CPSF6: variants seen among roughly 807,000 people sequenced by gnomAD.
CPSF6 encodes cleavage and polyadenylation specificity factor subunit 6.
Under a neutral mutation model 56.7 loss-of-function variants are expected in CPSF6, and 10 were observed. The observed-to-expected ratio is 0.18, with a 90% CI of 0.11 to 0.30. The LOEUF (loss-of-function observed/expected upper bound fraction) is 0.30, where lower values mean the gene tolerates loss of function less well. Ranked by LOEUF, CPSF6 falls within the 10% of genes least tolerant of loss-of-function variation. CPSF6 has a pLI of 1.00. For missense variants in CPSF6, 419 were observed against 722.9 expected (o/e 0.58, Z 4.82); for synonymous variants, 248 against 244.8 (o/e 1.01, Z -0.12).
chr12:69,259,578 A>C (rs1381674629), intron 7 of CPSF6, 35 bp downstream of exon 7: 2 of 1,562,644 alleles, frequency 1.3e-6, no homozygotes, highest in Admixed American at 1.9e-5. Context: ...TTTCTTATTT[A>C]TGTTATTAGG....
At chr12:69,255,668 G>T (rs982807797) in intron 3 of CPSF6, among the ~76,000 whole-genome samples, 2 of 152,042 alleles carry the variant, frequency 1.3e-5, no homozygotes, top group African/African-American at 4.8e-5. Flanking sequence ...CAGCCTCCCA[G>T]CGTGGGACTA....
At chr12:69,248,987 C>T (rs1014191210) in intron 1 of CPSF6, among the ~76,000 whole-genome samples, 2 of 151,882 alleles carry the variant, frequency 1.3e-5, no homozygotes, top group African/African-American at 4.8e-5. Context: ...TGGCTCACAC[C>T]TGTAATCCCA....
In CPSF6 at chr12:69,258,624, T is replaced by A; in HGVS notation, c.729T>A (p.Pro243=). 1 of 1,613,676 alleles carries A rather than the reference T, an allele frequency of 6.2e-7. No homozygotes were observed. Among genetic ancestry groups the A allele is most frequent in the Non-Finnish European group, 8.5e-7 (1 of 1,179,788 alleles). Residue 243 remains proline, a synonymous_variant, in exon 6 of 10, where the codon CCT becomes CCA. Transcript: ENST00000435070. The surrounding 1 kb of genome is among the most constrained non-coding windows in gnomAD (Gnocchi z 4.2). ...GQTPPRPPLG[P]PGPPGPPGPP... is the part of the protein sequence containing the mutation. ...CTCCACCACGTCCACCCTTAGGTCC[T>A]CCAGGCCCACCTGGTCCACCAGGTC...
At chr12:69,259,172 T>C (rs1872640171) in intron 6 of CPSF6, 78 bp downstream of exon 6, 1 of 1,439,882 alleles carries the variant, frequency 6.9e-7, no homozygotes, top group African/African-American at 1.4e-5. Context: ...ATTGTAGGTA[T>C]ATAAATATGT....
chr12:69,254,154 A>G (rs1270727134), intron 3 of CPSF6, among the ~76,000 whole-genome samples: 2 of 151,060 alleles, frequency 1.3e-5, no homozygotes, highest in Non-Finnish European at 3.0e-5. Flanking sequence ...ACTGCCCCCT[A>G]CAGTCTGTAC....
chr12:69,268,399 G>T (rs1873093076), intron 9 of CPSF6, among the ~76,000 whole-genome samples: 1 of 151,546 alleles, frequency 6.6e-6, no homozygotes, highest in African/African-American at 2.4e-5. Context: ...CAGTGTGAAT[G>T]CATATATGTA....
At position 69,265,553 on chromosome 12, in the gene CPSF6, G is replaced by GTAC. The variant is rs369302540; in HGVS notation, c.*3+2991_*3+2992insTAC. ...TCATCCATGACAATTTTTAAGCATT[G>GTAC]GGTATGGGGTCTGGATTAAATAACT... On this transcript the variant is annotated intron_variant, in intron 9 of 9. Coordinates refer to ENST00000435070, the MANE Select transcript of CPSF6 (RefSeq NM_007007.3). Among the ~76,000 whole-genome samples the GTAC allele has an allele frequency of 2.1e-3, 317 of 150,076 alleles. 3 individuals are homozygous for GTAC. Among genetic ancestry groups the GTAC allele is most frequent in the African/African-American group, 7.1e-3 (292 of 40,888 alleles).
At chr12:69,249,452 C>G (rs1872118312) in intron 1 of CPSF6, among the ~76,000 whole-genome samples, 1 of 151,842 alleles carries the variant, frequency 6.6e-6, no homozygotes, top group African/African-American at 2.4e-5. Flanking sequence ...ACTATTTTGG[C>G]TAATAGTCCC....
At chr12:69,241,134 A>T (rs952830738) in intron 1 of CPSF6, among the ~76,000 whole-genome samples, 4 of 152,208 alleles carry the variant, frequency 2.6e-5, no homozygotes, top group Non-Finnish European at 4.4e-5. Flanking sequence ...ATATTAGAAA[A>T]CAGAAAAATA....
At chr12:69,259,171 A>T (rs1400091592) in intron 6 of CPSF6, 77 bp downstream of exon 6, 2 of 1,446,422 alleles carry the variant, frequency 1.4e-6, no homozygotes, top group Non-Finnish European at 9.2e-7. Flanking sequence ...GATTGTAGGT[A>T]TATAAATATG....
intron 3 of CPSF6, among the ~76,000 whole-genome samples, chr12:69,253,787 C>A (rs142958509): frequency 1.8e-4 from 27 of 152,208 alleles, no homozygotes; most frequent in Admixed American, 4.6e-4. Flanking sequence ...TCTTTTGCAT[C>A]ATACCTGGTA....
intron 1 of CPSF6, among the ~76,000 whole-genome samples, chr12:69,248,549 A>G (rs570127703): frequency 1.3e-5 from 2 of 152,372 alleles, no homozygotes; most frequent in Admixed American, 6.5e-5. Context: ...CTGAAACTTC[A>G]TAACAAAACT....
intron 7 of CPSF6, 64 bp from the exon 8 acceptor site, chr12:69,259,980 G>A (rs1327698472): frequency 3.2e-6 from 5 of 1,559,308 alleles, no homozygotes; most frequent in Non-Finnish European, 4.4e-6. Flanking sequence ...CTTATCCCAA[G>A]TGGTTTGATG....
At position 69,273,253 on chromosome 12, in the gene CPSF6, T is replaced by C. The variant is rs150226233; in HGVS notation, c.*3745T>C. On this transcript the variant is annotated 3_prime_UTR_variant, in exon 10 of 10. Transcript: ENST00000435070. ...TCAGGCAACACTGTTCAGATTGATTTAGGTTTGTCTTAACCAATGTTCTTT... is the reference window on the plus strand; with the variant it reads ...TCAGGCAACACTGTTCAGATTGATTCAGGTTTGTCTTAACCAATGTTCTTT... 2.2e-6 allele frequency: 1 copy of C among 444,830 alleles called. No homozygotes were observed. Among genetic ancestry groups the C allele is most frequent in the East Asian group, 6.0e-5 (1 of 16,674 alleles). The allele number at this position is 444,830 out of a possible 1,614,324, so 27.6% of individuals were successfully genotyped here.
intron 9 of CPSF6, among the ~76,000 whole-genome samples, chr12:69,262,822 TAATC>T (rs1039860826): frequency 3.3e-5 from 5 of 152,176 alleles, no homozygotes; most frequent in South Asian, 2.1e-4. Flanking sequence ...AGCAAGGAAA[TAATC>T]AAGAGGACTC....
chr12:69,243,907 C>T lies in CPSF6; in HGVS notation c.60+4201C>T, dbSNP rs146896730. ...GGAGTGCGGTGGTGCAGTTGTGGCTCACTGCAGCCTTTATCTCCCAGGCTC... is the reference window on the plus strand; with the variant it reads ...GGAGTGCGGTGGTGCAGTTGTGGCTTACTGCAGCCTTTATCTCCCAGGCTC... On this transcript the variant is annotated intron_variant, in intron 1 of 9. Transcript: ENST00000435070. Among the ~76,000 whole-genome samples the T allele has an allele frequency of 6.6e-4, 100 of 152,300 alleles. No homozygotes were observed. In the East Asian group the frequency reaches 0.013, roughly 20 times the overall value.
rs544047487 is a variant in CPSF6 at position 69,262,607 on chromosome 12, A to G, written c.*3+45A>G. The G allele has an allele frequency of 3.5e-4, 541 of 1,553,244 alleles. 8 individuals carry two copies. In the South Asian group the frequency reaches 6.0e-3, roughly 17 times the overall value. ...TGTTAAATGTGTGTGTATTCTTAAC[A>G]GTAACTATAACTCCAAGGCTACTGT... On this transcript the variant is annotated intron_variant, in intron 9 of 9. Coordinates refer to ENST00000435070, the MANE Select transcript of CPSF6 (RefSeq NM_007007.3).
chr12:69,244,855 G>A (rs1481094126), intron 1 of CPSF6, among the ~76,000 whole-genome samples: 2 of 152,086 alleles, frequency 1.3e-5, no homozygotes, highest in Admixed American at 6.6e-5. Context: ...CATCTCCTAG[G>A]ATAACTGCCT....
intron 7 of CPSF6, 59 bp downstream of exon 7, chr12:69,259,602 T>A: frequency 7.1e-7 from 1 of 1,408,702 alleles, no homozygotes; most frequent in South Asian, 1.3e-5. Flanking sequence ...GACCTAAAAA[T>A]GTAAGTACAA....
Sources: gnomAD v4.1 joint callset for allele counts (sites outside exome capture counted in the v4.1 genomes callset) on GRCh38, gnomAD v4.1.1 for gene constraint, Gnocchi (gnomAD v3.1) non-coding constraint, MANE v1.5 for transcripts, NCBI Gene and HGNC (gene_info 2026-07-23, HGNC 2026-07-21) for gene names.